The following SYT9 variants were observed in gnomAD, a reference collection of about 807,000 sequenced individuals.
The protein encoded by SYT9 is synaptotagmin-9.
A neutral mutation model predicts 48.4 loss-of-function variants in SYT9; 22 were observed. The ratio of observed to expected loss-of-function variants is 0.45; its 90% confidence interval spans 0.32 to 0.65. The LOEUF is 0.65. SYT9 is among the 30% of genes least tolerant of loss of function. SYT9 has a pLI of 0.03. For synonymous variants in SYT9, 265 were observed against 245.0 expected (o/e 1.08, Z -0.76); for missense variants, 577 against 622.0 (o/e 0.93, Z 0.77).
At chr11:7,265,596 A>G (rs1848164542) in intron 1 of SYT9, among the ~76,000 whole-genome samples, 1 of 151,856 alleles carries the variant, frequency 6.6e-6, no homozygotes, top group Non-Finnish European at 1.5e-5. Context: ...CAAACTGTCT[A>G]TGTAAAACTT....
At chr11:7,266,980 A>G (rs1454019899) in intron 1 of SYT9, among the ~76,000 whole-genome samples, 2 of 152,086 alleles carry the variant, frequency 1.3e-5, no homozygotes, top group South Asian at 4.1e-4. Flanking sequence ...TGATTTATAT[A>G]GTTTTTAATC....
At chr11:7,327,987 G>C (rs1285602956) in intron 3 of SYT9, among the ~76,000 whole-genome samples, 1 of 125,006 alleles carries the variant, frequency 8.0e-6, no homozygotes, top group African/African-American at 3.0e-5. Context: ...ACGAGTTAGT[G>C]GGTGCAGCGC....
intron 6 of SYT9, chr11:7,439,945 C>G (rs553647216): frequency 6.6e-6 from 1 of 152,190 alleles, no homozygotes; most frequent in Non-Finnish European, 1.5e-5. Flanking sequence ...GATTATGCCA[C>G]CAAACTTAGA....
chr11:7,378,645 A>G (rs58491035), intron 3 of SYT9, among the ~76,000 whole-genome samples: 4,304 of 152,038 alleles, frequency 0.028, 212 homozygotes, highest in African/African-American at 0.099. Context: ...AAAAAATCCT[A>G]TGTCCTATGA....
At chr11:7,462,735 C>T (rs1346680871) in intron 6 of SYT9, among the ~76,000 whole-genome samples, 3 of 152,120 alleles carry the variant, frequency 2.0e-5, no homozygotes, top group Admixed American at 6.5e-5. Flanking sequence ...ATATTAAGTA[C>T]ATAATAAGAT....
upstream of SYT9, among the ~76,000 whole-genome samples, chr11:7,249,648 A>G (rs554869418): frequency 1.3e-5 from 2 of 152,332 alleles, no homozygotes; most frequent in African/African-American, 4.8e-5. Context: ...AAACAGCAAA[A>G]ACACATATTG....
chr11:7,298,919 C>T (rs1848862784), intron 1 of SYT9, among the ~76,000 whole-genome samples: 1 of 152,114 alleles, frequency 6.6e-6, no homozygotes, highest in Non-Finnish European at 1.5e-5. Context: ...CGGTCACCCC[C>T]AAAACAGCAA....
intron 3 of SYT9, among the ~76,000 whole-genome samples, chr11:7,343,806 T>A (rs1472293431): frequency 3.3e-5 from 5 of 152,216 alleles, no homozygotes; most frequent in African/African-American, 4.8e-5. Context: ...AGAGGTTTAA[T>A]GGACTCACAG....
chr11:7,390,068 T>C (rs1260797706), intron 3 of SYT9, among the ~76,000 whole-genome samples: 2 of 152,188 alleles, frequency 1.3e-5, no homozygotes, highest in African/African-American at 4.8e-5. Flanking sequence ...GTGTGCCATG[T>C]GGGTTTGCCG....
chr11:7,373,326 T>C (rs1315575596), intron 3 of SYT9, among the ~76,000 whole-genome samples: 1 of 152,178 alleles, frequency 6.6e-6, no homozygotes, highest in Non-Finnish European at 1.5e-5. Context: ...CTGGAATGTA[T>C]TTTTTAATAC....
At chr11:7,259,518 C>T (rs1848039508) in intron 1 of SYT9, among the ~76,000 whole-genome samples, 1 of 152,102 alleles carries the variant, frequency 6.6e-6, no homozygotes, top group South Asian at 2.1e-4. Flanking sequence ...AGTCCTGCTA[C>T]ATGTCAACAG....
At chr11:7,374,848 A>C (rs1053758473) in intron 3 of SYT9, among the ~76,000 whole-genome samples, 1 of 152,038 alleles carries the variant, frequency 6.6e-6, no homozygotes, top group Non-Finnish European at 1.5e-5. Context: ...AGATTGCAAA[A>C]ATTTTCTCCC....
chr11:7,254,387 C>T (rs1216453188), intron 1 of SYT9, among the ~76,000 whole-genome samples: 1 of 152,164 alleles, frequency 6.6e-6, no homozygotes, highest in Non-Finnish European at 1.5e-5. Context: ...GCACCCTCTC[C>T]TTCAGGACAC....
At chr11:7,407,527 C>A (rs1847045482) in intron 3 of SYT9, among the ~76,000 whole-genome samples, 1 of 100,916 alleles carries the variant, frequency 9.9e-6, no homozygotes, top group Non-Finnish European at 1.9e-5. Flanking sequence ...ACTACAGGCG[C>A]CCGCCACCGC....
intron 3 of SYT9, among the ~76,000 whole-genome samples, chr11:7,344,300 C>G (rs1033123056): frequency 2.6e-5 from 4 of 152,018 alleles, no homozygotes; most frequent in African/African-American, 9.7e-5. Flanking sequence ...TTCTGGATGC[C>G]AGTCCTTTAT....
chr11:7,313,427 C>T lies in SYT9; in HGVS notation c.530C>T (p.Ser177Leu), dbSNP rs377386547. The T allele has an allele frequency of 3.7e-6, 6 of 1,612,918 alleles. No individual in the cohort carries two copies. The Admixed American group carries it at 6.7e-5, about 18-fold the overall frequency. Residue 177 changes from serine (S) to leucine (L), a missense_variant, in exon 3 of 7, where the codon TCA becomes TTA. By Grantham distance (145) the Ser-to-Leu change is moderately radical. Transcript: ENST00000318881. Reference protein sequence around the residue: ...HNSIRRQLNLSNPDFNIQQLQ... With the variant: ...HNSIRRQLNLLNPDFNIQQLQ... ...TCAATCCGAAGACAACTCAACTTGT[C>T]AAACCCGGACTTCAATATCCAGCAG...
intron 3 of SYT9, among the ~76,000 whole-genome samples, chr11:7,330,410 A>G (rs1340688226): frequency 6.6e-6 from 1 of 152,150 alleles, no homozygotes; most frequent in African/African-American, 2.4e-5. Context: ...GTTGATGACA[A>G]AGGGGCAATA....
chr11:7,265,179 T>G (rs1388452390), intron 1 of SYT9, among the ~76,000 whole-genome samples: 1 of 152,144 alleles, frequency 6.6e-6, no homozygotes, highest in Non-Finnish European at 1.5e-5. Context: ...TTATAACTTA[T>G]TAGGTTTACC....
At chr11:7,440,864 A>C (rs1847817990) in intron 6 of SYT9, 1 of 152,248 alleles carries the variant, frequency 6.6e-6, no homozygotes, top group Admixed American at 6.5e-5. Flanking sequence ...AAGAGGATTT[A>C]AAAACTGATA....
Sources: gnomAD v4.1 joint callset for allele counts (sites outside exome capture counted in the v4.1 genomes callset) on GRCh38, gnomAD v4.1.1 for gene constraint, MANE v1.5 for transcripts, NCBI Gene and HGNC (gene_info 2026-07-23, HGNC 2026-07-21) for gene names.